The following SEMA5A variants were observed in gnomAD, a reference collection of about 807,000 sequenced individuals.
SEMA5A encodes semaphorin-5A.
Under a neutral mutation model 135.5 loss-of-function variants are expected in SEMA5A, and 55 were observed. That is an observed-to-expected ratio of 0.41 (90% CI 0.33 to 0.51). The LOEUF is 0.51. Ranked by LOEUF, SEMA5A falls within the 20% of genes least tolerant of loss-of-function variation. The probability of loss-of-function intolerance (pLI) is 0.37; values close to 1 mark genes in which losing one functional copy is unlikely to be tolerated. For synonymous variants in SEMA5A, 580 were observed against 546.5 expected, an observed-to-expected ratio of 1.06 and a Z score of -0.85; for missense variants, 1,290 against 1,419.9, an observed-to-expected ratio of 0.91 and a Z score of 1.47.
chr5:9,330,709 C>T (rs549976195), intron 4 of SEMA5A, among the ~76,000 whole-genome samples: 5 of 151,742 alleles, frequency 3.3e-5, no homozygotes, highest in Non-Finnish European at 5.9e-5. Context: ...ATCAAATAAG[C>T]GAATTAGAAG....
intron 8 of SEMA5A, among the ~76,000 whole-genome samples, chr5:9,220,268 T>G (rs1746862275): frequency 6.6e-6 from 1 of 152,012 alleles, no homozygotes; most frequent in Admixed American, 6.6e-5. Flanking sequence ...ACTGTTCAGG[T>G]GAAGGGTGCA....
At chr5:9,269,422 A>C (rs886488763) in intron 5 of SEMA5A, among the ~76,000 whole-genome samples, 5 of 152,170 alleles carry the variant, frequency 3.3e-5, no homozygotes, top group South Asian at 2.1e-4. Context: ...AAAAAGTACA[A>C]GAACAGTATT....
At chr5:9,061,018 G>A (rs707635) in intron 18 of SEMA5A, among the ~76,000 whole-genome samples, 135,351 of 151,540 alleles carry the variant, frequency 0.89, 60,627 homozygotes, top group East Asian at 0.96. Context: ...TCTGTCCCTC[G>A]AGACCCAGCT....
intron 1 of SEMA5A, among the ~76,000 whole-genome samples, chr5:9,492,066 TA>T (rs1431957274): frequency 2.2e-4 from 33 of 152,322 alleles, no homozygotes; most frequent in African/African-American, 7.9e-4. Flanking sequence ...AGCTATTTAT[TA>T]AATGCCTGCT....
At chr5:9,184,682 G>A (rs1442566312) in intron 11 of SEMA5A, among the ~76,000 whole-genome samples, 6 of 151,860 alleles carry the variant, frequency 4.0e-5, no homozygotes, top group Admixed American at 1.3e-4. Context: ...CTATTTATTC[G>A]CTTATCTCTG....
intron 5 of SEMA5A, among the ~76,000 whole-genome samples, chr5:9,305,729 TACACGC>T (rs1162263445): frequency 1.1e-5 from 1 of 90,332 alleles, no homozygotes; most frequent in Admixed American, 1.0e-4. Context: ...TATATATATT[TACACGC>T]ACACACACAC....
rs536329237 is a variant in SEMA5A at position 9,157,127 on chromosome 5, C to T, written c.1274-2432G>A. On this transcript the variant is annotated intron_variant, in intron 11 of 22. Transcript: ENST00000382496. ...CTCCCTGGAGTGTCTAGTCATGTGA[C>T]GAGTCCCCTCCACAGTTCCCCCTTC... is the stretch of plus-strand genomic sequence containing the variant. Among the ~76,000 whole-genome samples, 103 of 152,292 alleles carry T rather than the reference C, an allele frequency of 6.8e-4. 1 individual carries two copies. Among genetic ancestry groups the T allele is most frequent in the African/African-American group, 2.2e-3 (90 of 41,578 alleles).
chr5:9,292,403 T>C (rs971000865), intron 5 of SEMA5A, among the ~76,000 whole-genome samples: 1 of 152,108 alleles, frequency 6.6e-6, no homozygotes, highest in Non-Finnish European at 1.5e-5. Flanking sequence ...TGAAATACAG[T>C]GAGATTAAGT....
intron 2 of SEMA5A, among the ~76,000 whole-genome samples, chr5:9,388,743 CA>C (rs1413763440): frequency 4.6e-5 from 7 of 151,878 alleles, no homozygotes; most frequent in Admixed American, 1.3e-4. Context: ...ACTAAAAATA[CA>C]AAAAATTAGC....
At chr5:9,401,556 T>C (rs6555604) in intron 2 of SEMA5A, among the ~76,000 whole-genome samples, 3,286 of 152,256 alleles carry the variant, frequency 0.022, 102 homozygotes, top group African/African-American at 0.075. Context: ...CATTCCACCA[T>C]TGCCAAAGCA....
intron 1 of SEMA5A, chr5:9,512,192 T>C (rs1456870329): frequency 6.6e-6 from 1 of 152,238 alleles, no homozygotes; most frequent in African/African-American, 2.4e-5. Flanking sequence ...AGAGCATAAC[T>C]GATTATTCTC....
intron 2 of SEMA5A, among the ~76,000 whole-genome samples, chr5:9,382,030 T>A (rs185085934): frequency 1.3e-5 from 2 of 150,380 alleles, no homozygotes; most frequent in Admixed American, 6.6e-5. Flanking sequence ...GCATGGTGGC[T>A]CATGCCTGTA....
chr5:9,213,263 G>A (rs1262233230), intron 8 of SEMA5A, among the ~76,000 whole-genome samples: 1 of 152,190 alleles, frequency 6.6e-6, no homozygotes, highest in Admixed American at 6.5e-5. Flanking sequence ...TCATTAATTA[G>A]AAAAAATGTC....
At chr5:9,172,525 A>G (rs548059130) in intron 11 of SEMA5A, among the ~76,000 whole-genome samples, 145 of 152,346 alleles carry the variant, frequency 9.5e-4, no homozygotes, top group African/African-American at 3.3e-3. Flanking sequence ...ACTAAAAATC[A>G]TAACTTTTTT....
chr5:9,073,924 A>G (rs1178243325), intron 16 of SEMA5A, among the ~76,000 whole-genome samples: 6 of 152,190 alleles, frequency 3.9e-5, no homozygotes. Context: ...GACTTTTACA[A>G]TGAAAGGAAA....
At position 9,148,876 on chromosome 5, in the gene SEMA5A, T is replaced by C. The variant is rs1181431968; in HGVS notation, c.1481+5612A>G. Among the ~76,000 whole-genome samples, 9 of 152,246 alleles carry C rather than the reference T, an allele frequency of 5.9e-5. No homozygotes were observed. The South Asian group carries it at 1.9e-3, about 32-fold the overall frequency. The stretch of plus-strand genomic sequence containing the variant: ...CTGTGATTTCAGGCATGCGCTACCA[T>C]GTCCAGCTAATTTTTGTATTTTTAG... On this transcript the variant is annotated intron_variant, in intron 12 of 22. Transcript: ENST00000382496.
At chr5:9,498,975 T>G (rs1379610067) in intron 1 of SEMA5A, among the ~76,000 whole-genome samples, 1 of 152,200 alleles carries the variant, frequency 6.6e-6, no homozygotes, top group Non-Finnish European at 1.5e-5. Flanking sequence ...ATAAGGAACG[T>G]AATGAAAATG....
Position 9,204,030 on chromosome 5 carries a change from C to CT in SEMA5A, c.647-1791dup. Reference sequence around the variant, plus strand: ...CTGTAAGTCTCCAAAACAGAATTACCTGATGAAGCAGGCCCCAAAAGCAAA... The same window carrying CT: ...CTGTAAGTCTCCAAAACAGAATTACCTTGATGAAGCAGGCCCCAAAAGCAAA... On this transcript the variant is annotated intron_variant, in intron 8 of 22. Transcript: ENST00000382496. The surrounding 1 kb of genome is among the most constrained non-coding windows in gnomAD (Gnocchi z 6.4). 6.6e-6 allele frequency among the ~76,000 whole-genome samples: 1 copy of CT among 151,984 alleles called. No homozygotes were observed. The highest frequency in any genetic ancestry group is 2.1e-4 in the South Asian group (1 of 4,818).
intron 11 of SEMA5A, among the ~76,000 whole-genome samples, chr5:9,162,585 T>TATATATATATACAC (rs370982773): frequency 8.9e-6 from 1 of 112,064 alleles, no homozygotes; most frequent in Non-Finnish European, 1.7e-5. Flanking sequence ...TATATATATA[T>TATATATATATACAC]ACACACACAC....
Sources: allele counts gnomAD v4.1 joint callset (sites outside exome capture counted in the v4.1 genomes callset), GRCh38; gene constraint gnomAD v4.1.1; non-coding constraint Gnocchi (gnomAD v3.1); transcripts MANE v1.5; gene names NCBI Gene and HGNC (gene_info 2026-07-23, HGNC 2026-07-21).